DOCK2: variants seen among roughly 807,000 people sequenced by gnomAD.
The protein encoded by DOCK2 is dedicator of cytokinesis 2, also known as dedicator of cytokinesis protein 2.
DOCK2 carries 87 observed loss-of-function variants against 248.9 expected under a neutral mutation model. The observed-to-expected ratio is 0.35, with a 90% CI of 0.29 to 0.42. The LOEUF (loss-of-function observed/expected upper bound fraction) is 0.42, where lower values mean the gene tolerates loss of function less well. DOCK2 is among the 10% of genes least tolerant of loss of function. The probability of loss-of-function intolerance (pLI) is 1.00; values close to 1 mark genes in which losing one functional copy is unlikely to be tolerated. For missense variants in DOCK2, 1,747 were observed against 2,300.2 expected (o/e 0.76, Z 4.92); for synonymous variants, 805 against 821.6 (o/e 0.98, Z 0.35).
intron 27 of DOCK2, among the ~76,000 whole-genome samples, chr5:169,953,488 G>T (rs1044291610): frequency 2.6e-5 from 4 of 152,160 alleles, no homozygotes; most frequent in Non-Finnish European, 4.4e-5. Flanking sequence ...TGAAATGGAG[G>T]TCTTGGGGAT....
chr5:169,810,265 T>C (rs368908793), intron 26 of DOCK2, among the ~76,000 whole-genome samples: 5 of 152,292 alleles, frequency 3.3e-5, no homozygotes, highest in African/African-American at 1.2e-4. Context: ...TTGCCTTCTT[T>C]AGATGTCAGG....
intron 1 of DOCK2, among the ~76,000 whole-genome samples, chr5:169,649,327 G>A (rs1226382167): frequency 2.0e-5 from 3 of 152,212 alleles, no homozygotes; most frequent in East Asian, 1.9e-4. Context: ...CAGGGCACTC[G>A]ATGGCTGCAA....
At chr5:169,702,671 TTGTA>T (rs58478617) in intron 14 of DOCK2, 9 of 318,918 alleles carry the variant, frequency 2.8e-5, no homozygotes, top group African/African-American at 7.2e-5. Flanking sequence ...CAACTTCTTC[TTGTA>T]TGTATGTATG....
intron 27 of DOCK2, chr5:169,883,663 T>C: frequency 6.4e-7 from 1 of 1,550,778 alleles, no homozygotes; most frequent in Non-Finnish European, 8.7e-7. Flanking sequence ...GGAGAGCGAG[T>C]AGGTGGGGGG....
intron 25 of DOCK2, among the ~76,000 whole-genome samples, chr5:169,785,201 A>G (rs972033025): frequency 2.0e-5 from 3 of 152,210 alleles, no homozygotes; most frequent in Non-Finnish European, 4.4e-5. Flanking sequence ...GTATGGAGGT[A>G]GTTTTGTTTA....
At chr5:169,819,542 G>A (rs536857735) in intron 26 of DOCK2, among the ~76,000 whole-genome samples, 2 of 151,990 alleles carry the variant, frequency 1.3e-5, no homozygotes, top group East Asian at 1.9e-4. Context: ...GATCACTGGG[G>A]CCCAGAAGCT....
intron 39 of DOCK2, 104 bp from the exon 40 acceptor site, chr5:170,047,406 C>G: frequency 1.1e-6 from 1 of 882,306 alleles, no homozygotes; most frequent in Admixed American, 2.3e-5. Flanking sequence ...GCACATGGCT[C>G]ATTGGCTCTG....
intron 22 of DOCK2, among the ~76,000 whole-genome samples, chr5:169,746,477 T>C (rs1334701390): frequency 6.6e-6 from 1 of 152,194 alleles, no homozygotes; most frequent in Non-Finnish European, 1.5e-5. Flanking sequence ...AGGAGCTTTT[T>C]GAGCGTGTAG....
intron 2 of DOCK2, among the ~76,000 whole-genome samples, chr5:169,655,578 C>T (rs1758062458): frequency 6.6e-6 from 1 of 152,218 alleles, no homozygotes; most frequent in South Asian, 2.1e-4. Flanking sequence ...ACCCACAGGA[C>T]AGGCAGTGTC....
chr5:169,928,678 A>T (rs183300207), intron 27 of DOCK2, among the ~76,000 whole-genome samples: 57 of 152,358 alleles, frequency 3.7e-4, no homozygotes, highest in African/African-American at 1.3e-3. Context: ...CAAACTGTTG[A>T]AGCGTAAAGC....
chr5:169,732,554 T>A (rs1487936759), intron 22 of DOCK2, among the ~76,000 whole-genome samples: 1 of 152,162 alleles, frequency 6.6e-6, no homozygotes, highest in Non-Finnish European at 1.5e-5. Context: ...CATGATGTGC[T>A]CTATCTCACT....
At position 169,906,805 on chromosome 5, in the gene DOCK2, C is replaced by A. The variant is rs150797319; in HGVS notation, c.2799+65953C>A. Among the ~76,000 whole-genome samples the A allele has an allele frequency of 2.2e-4, 33 of 152,296 alleles. No homozygotes were observed. The East Asian group carries it at 4.6e-3, about 21-fold the overall frequency. On this transcript the variant is annotated intron_variant, in intron 27 of 51. Transcript: ENST00000520908. ...AATTGAAGGGTGGTTCTGGTTTAAGCTCTGGAAAGTCTATAGGGAAATTAG... is the reference window on the plus strand; with the variant it reads ...AATTGAAGGGTGGTTCTGGTTTAAGATCTGGAAAGTCTATAGGGAAATTAG...
chr5:169,885,576 A>G (rs78722047), intron 27 of DOCK2, among the ~76,000 whole-genome samples: 2 of 152,344 alleles, frequency 1.3e-5, no homozygotes, highest in East Asian at 1.9e-4. Context: ...CTGAGGAACA[A>G]CTACCTCATA....
At chr5:169,637,465 A>C in intron 1 of DOCK2, 96 bp downstream of exon 1, 3 of 1,258,232 alleles carry the variant, frequency 2.4e-6, no homozygotes, top group Non-Finnish European at 3.0e-6. Flanking sequence ...CGGGGTGGGC[A>C]GGGCGCGCTG....
chr5:169,810,150 A>G (rs1718828325), intron 26 of DOCK2, among the ~76,000 whole-genome samples: 1 of 152,108 alleles, frequency 6.6e-6, no homozygotes, highest in African/African-American at 2.4e-5. Flanking sequence ...AATTAATGGC[A>G]GGGCCTGATT....
intron 45 of DOCK2, among the ~76,000 whole-genome samples, chr5:170,068,554 C>T (rs1757574746): frequency 6.6e-6 from 1 of 152,188 alleles, no homozygotes; most frequent in African/African-American, 2.4e-5. Context: ...ATGCAGTCAT[C>T]ATTGGTAACC....
intron 25 of DOCK2, among the ~76,000 whole-genome samples, chr5:169,786,532 G>T (rs887384107): frequency 6.6e-6 from 1 of 152,192 alleles, no homozygotes; most frequent in African/African-American, 2.4e-5. Flanking sequence ...GAAAAGAGCT[G>T]CCCTCTCTTG....
At chr5:169,648,050 G>A (rs1053806711) in intron 1 of DOCK2, among the ~76,000 whole-genome samples, 2 of 152,186 alleles carry the variant, frequency 1.3e-5, no homozygotes, top group South Asian at 2.1e-4. Context: ...TAGTGTGTGT[G>A]TGCATGTGTG....
chr5:169,658,839 G>A (rs1376790613), intron 2 of DOCK2, among the ~76,000 whole-genome samples: 1 of 151,812 alleles, frequency 6.6e-6, no homozygotes, highest in Non-Finnish European at 1.5e-5. Context: ...GAGCCCAGGA[G>A]TTTAAGACTA....
Sources: gnomAD v4.1 joint callset for allele counts (sites outside exome capture counted in the v4.1 genomes callset) on GRCh38, gnomAD v4.1.1 for gene constraint, MANE v1.5 for transcripts, NCBI Gene and HGNC (gene_info 2026-07-23, HGNC 2026-07-21) for gene names.